WNK1: variants seen among roughly 807,000 people sequenced by gnomAD.
WNK1 encodes WNK lysine deficient protein kinase 1.
WNK1 carries 38 observed loss-of-function variants against 222.8 expected under a neutral mutation model. The observed-to-expected ratio is 0.17, with a 90% confidence interval of 0.13 to 0.22. The LOEUF (loss-of-function observed/expected upper bound fraction) is 0.22, where lower values mean the gene tolerates loss of function less well. Among genes scored for constraint, WNK1 ranks in the 10% least tolerant of loss-of-function variants. WNK1 has a pLI of 1.00. For missense variants in WNK1, 2,348 were observed against 2,918.4 expected, an observed-to-expected ratio of 0.80 and a Z score of 4.50; for synonymous variants, 1,090 against 1,092.9, an observed-to-expected ratio of 1.00 and a Z score of 0.05.
Position 837,522 on chromosome 12 carries a change from C to T in WNK1, c.1311+7362C>T, listed in dbSNP as rs1399147769. On this transcript the variant is annotated intron_variant, in intron 4 of 27. Coordinates refer to ENST00000315939, the MANE Select transcript of WNK1 (RefSeq NM_018979.4). ...CCGGGAGGCAGAGGTTGCAGTGAGC[C>T]GAGATCACGCCATTGCACTCCTGCC... 2.7e-5 allele frequency among the ~76,000 whole-genome samples: 4 copies of T among 148,268 alleles called. No homozygotes were observed. In the South Asian group the frequency reaches 6.4e-4, roughly 24 times the overall value.
chr12:893,008 A>T (rs142953227), intron 22 of WNK1, among the ~76,000 whole-genome samples: 2 of 152,230 alleles, frequency 1.3e-5, no homozygotes, highest in Admixed American at 1.3e-4. Context: ...TAATCCCAGC[A>T]CTTTGGGAGG....
chr12:813,342 T>TG (rs1947071980), intron 1 of WNK1, among the ~76,000 whole-genome samples: 1 of 152,244 alleles, frequency 6.6e-6, no homozygotes, highest in South Asian at 2.1e-4. Flanking sequence ...CTCCAAAGCC[T>TG]ATGTTCATTT....
rs1037110259 is a variant in WNK1, at chr12:757,430, A to G, written c.759+3106A>G. Among the ~76,000 whole-genome samples, 7 of 146,054 alleles carry G rather than the reference A, an allele frequency of 4.8e-5. No individual in the cohort carries two copies. In the Admixed American group the frequency reaches 5.0e-4, roughly 10 times the overall value. ...AACCTCCGCCTCCTGGGTTCAAGCG[A>G]TTCTCCTGCCTCAGCCTCCCAAGTA... On this transcript the variant is annotated intron_variant, in intron 1 of 27. Coordinates refer to ENST00000315939, the MANE Select transcript of WNK1 (RefSeq NM_018979.4).
intron 1 of WNK1, among the ~76,000 whole-genome samples, chr12:806,151 C>T (rs775810915): frequency 5.3e-5 from 8 of 152,094 alleles, no homozygotes; most frequent in Non-Finnish European, 1.0e-4. Flanking sequence ...ATATGTCGAG[C>T]CCTCAGAATA....
intron 2 of WNK1, among the ~76,000 whole-genome samples, chr12:820,865 AACTGTTT>A (rs1947808222): frequency 5.9e-5 from 9 of 152,012 alleles, no homozygotes; most frequent in Admixed American, 1.3e-4. Flanking sequence ...TTTCTTGTCT[AACTGTTT>A]TGGCTAGAGC....
At chr12:754,981 G>T (rs1378708687) in intron 1 of WNK1, among the ~76,000 whole-genome samples, 1 of 152,178 alleles carries the variant, frequency 6.6e-6, no homozygotes, top group African/African-American at 2.4e-5. Context: ...ATGCAAAATT[G>T]TGTAAGTGCT....
At chr12:907,700 A>C in intron 26 of WNK1, 147 bp from the exon 27 acceptor site, 1 of 960,894 alleles carries the variant, frequency 1.0e-6, no homozygotes, top group Non-Finnish European at 1.6e-6. Flanking sequence ...GCTAAACAAA[A>C]CCTTGGAATC....
At position 884,720 on chromosome 12, in the gene WNK1, G is replaced by A; in HGVS notation, c.3916G>A (p.Ala1306Thr). The A allele has an allele frequency of 3.1e-6, 5 of 1,614,142 alleles. No homozygotes were observed. Among genetic ancestry groups the A allele is most frequent in the Non-Finnish European group, 4.2e-6 (5 of 1,180,032 alleles). ...HSASSLSLQQ[A>T]FSELRRAQMT... is the part of the protein sequence containing the mutation. ...TGCATCATCCCTTAGTCTACAACAGGCCTTTTCTGAACTTAGACGTGCCCA... is the reference window on the plus strand; with the variant it reads ...TGCATCATCCCTTAGTCTACAACAGACCTTTTCTGAACTTAGACGTGCCCA... The change falls in exon 19 of 28, where the codon GCC (alanine) becomes ACC (threonine). Residue 1306 changes from alanine (A) to threonine (T), a missense_variant. Physicochemically the swap from Ala to Thr is moderately conservative, Grantham distance 58. Around this residue, in one of 13 missense-constraint regions of WNK1, gnomAD observed 1,144 missense variants for 1,273.6 expected, o/e 0.90. Transcript: ENST00000315939. This position sits in a 1 kb window ranked among gnomAD's most constrained non-coding sequence, Gnocchi z 5.6.
At chr12:811,718 C>A (rs1007633782) in intron 1 of WNK1, among the ~76,000 whole-genome samples, 19 of 151,280 alleles carry the variant, frequency 1.3e-4, no homozygotes, top group African/African-American at 4.6e-4. Flanking sequence ...AAAAAAAAAA[C>A]AATATTCAGT....
chr12:907,671 T>C, intron 26 of WNK1, 176 bp from the exon 27 acceptor site: 1 of 787,648 alleles, frequency 1.3e-6, no homozygotes, highest in South Asian at 1.5e-5. Context: ...TTCATCACCC[T>C]ATTATACCAA....
chr12:778,511 A>G (rs1943355102), intron 1 of WNK1, among the ~76,000 whole-genome samples: 1 of 151,898 alleles, frequency 6.6e-6, no homozygotes, highest in South Asian at 2.1e-4. Context: ...TTATATTTTC[A>G]GTAGAGACAG....
rs536050931 is a variant in WNK1, at chr12:888,444, CAT to C, written c.5365-695_5365-694del. Among the ~76,000 whole-genome samples, 119 of 152,208 alleles carry C rather than the reference CAT, an allele frequency of 7.8e-4. 1 individual carries two copies. The highest frequency in any genetic ancestry group is 2.8e-3 in the African/African-American group (115 of 41,532). On this transcript the variant is annotated intron_variant, in intron 20 of 27. Coordinates refer to ENST00000315939, the MANE Select transcript of WNK1 (RefSeq NM_018979.4). ...GTGTGACAAAAAATAGCAAGTGAGA[CAT>C]GTGGAGGGGTAAGGGTAAATAGCTA... is the stretch of plus-strand genomic sequence containing the variant.
At position 762,492 on chromosome 12, in the gene WNK1, T is replaced by A. The variant is rs965890136; in HGVS notation, c.759+8168T>A. On this transcript the variant is annotated intron_variant, in intron 1 of 27. Coordinates refer to ENST00000315939, the MANE Select transcript of WNK1 (RefSeq NM_018979.4). ...TTGTTATTGTTTTTTCCCCCAATAT[T>A]TTCATCTGCAGTTAGTTGAATCCAT... Among the ~76,000 whole-genome samples, 15 of 147,866 alleles carry A rather than the reference T, an allele frequency of 1.0e-4. 2 individuals are homozygous for A. Among genetic ancestry groups the A allele is most frequent in the Admixed American group, 8.1e-4 (12 of 14,858 alleles).
chr12:911,374 G>A lies in WNK1; in HGVS notation c.*2582G>A, dbSNP rs1041540397. 2 of 398,466 alleles carry A rather than the reference G, an allele frequency of 5.0e-6. No homozygotes were observed. Among genetic ancestry groups the A allele is most frequent in the Admixed American group, 4.4e-5 (1 of 22,716 alleles). The allele number at this position is 398,466 out of a possible 1,614,324, so 24.7% of individuals were successfully genotyped here. A position where few individuals can be genotyped will look rare whatever the true frequency, so the allele number is the denominator to read the frequency against. ...TGGGTGTTGCGCTTCTTGTAAGATT[G>A]CGCTTTGTGCTTCAGTTTGTTACCT... On this transcript the variant is annotated 3_prime_UTR_variant, in exon 28 of 28. Coordinates refer to ENST00000315939, the MANE Select transcript of WNK1 (RefSeq NM_018979.4).
rs2154105036 is a variant in WNK1 at position 909,383 on chromosome 12, C to CT, written c.*594dup. The stretch of plus-strand genomic sequence containing the variant: ...TGCTTTAAGCAAAAGATATTAGCAG[C>CT]TTTGACTGCAGCATTAGCAATTAGG... On this transcript the variant is annotated 3_prime_UTR_variant, in exon 28 of 28. Coordinates refer to ENST00000315939, the MANE Select transcript of WNK1 (RefSeq NM_018979.4). 1 of 152,158 alleles carries CT rather than the reference C, an allele frequency of 6.6e-6. No individual in the cohort carries two copies. Among genetic ancestry groups the CT allele is most frequent in the East Asian group, 1.9e-4 (1 of 5,174 alleles). 9.4% of individuals were successfully genotyped at this position (152,158 alleles called of 1,614,324 possible). A position where few individuals can be genotyped will look rare whatever the true frequency, so the allele number is the denominator to read the frequency against.
chr12:756,633 T>TTGC (rs1278829707), intron 1 of WNK1, among the ~76,000 whole-genome samples: 3 of 152,234 alleles, frequency 2.0e-5, no homozygotes, highest in African/African-American at 7.2e-5. Flanking sequence ...GAAAAATCCT[T>TTGC]TATAGCAGTA....
rs773910482 is a variant in WNK1 at position 885,861 on chromosome 12, G to A, written c.5057G>A (p.Ser1686Asn). Residue 1686 changes from serine to asparagine, a missense_variant, in exon 19 of 28, where the codon AGC (serine) becomes AAC (asparagine). This residue lies in a region of WNK1 where 1,144 missense variants were observed against 1,273.6 expected (regional missense o/e 0.90). Transcript: ENST00000315939. ...CTGGAGACCTCACTAGTCATAGAGA[G>A]CACTGTCACACCAGGCATCCCAACT... The part of the protein sequence containing the change: ...VSLETSLVIE[S>N]TVTPGIPTTA... The A allele has an allele frequency of 1.4e-5, 22 of 1,613,762 alleles. No individual in the cohort carries two copies. The highest frequency in any genetic ancestry group is 1.9e-5 in the Non-Finnish European group (22 of 1,179,794).
intron 8 of WNK1, among the ~76,000 whole-genome samples, chr12:863,564 T>A (rs1012142051): frequency 2.8e-4 from 43 of 152,070 alleles, no homozygotes; most frequent in Non-Finnish European, 4.0e-4. Flanking sequence ...ACTTTTTTTT[T>A]AAAATTTTCT....
intron 4 of WNK1, among the ~76,000 whole-genome samples, chr12:852,664 T>C (rs889402417): frequency 2.0e-5 from 3 of 152,192 alleles, no homozygotes; most frequent in African/African-American, 7.2e-5. Flanking sequence ...TATCATTACT[T>C]TGTTCTGTCT....
Sources: gnomAD v4.1 joint callset for allele counts (sites outside exome capture counted in the v4.1 genomes callset) on GRCh38, gnomAD v4.1.1 for gene constraint, gnomAD v4.1.1 regional missense constraint, Gnocchi (gnomAD v3.1) non-coding constraint, MANE v1.5 for transcripts, NCBI Gene and HGNC (gene_info 2026-07-23, HGNC 2026-07-21) for gene names.